ETV6: variants seen among roughly 807,000 people sequenced by gnomAD.
The protein encoded by ETV6 is ETS variant transcription factor 6.
A neutral mutation model predicts 51.1 loss-of-function variants in ETV6; 16 were observed. The ratio of observed to expected loss-of-function variants is 0.31; its 90% confidence interval spans 0.21 to 0.48. ETV6 has a LOEUF of 0.48. Among genes scored for constraint, ETV6 ranks in the 20% least tolerant of loss-of-function variants. The pLI is 0.99. For missense variants in ETV6, 458 were observed against 594.8 expected (o/e 0.77, Z 2.39); for synonymous variants, 240 against 224.1 (o/e 1.07, Z -0.64).
At chr12:11,786,906 T>C (rs1565525704) in intron 2 of ETV6, among the ~76,000 whole-genome samples, 1 of 152,146 alleles carries the variant, frequency 6.6e-6, no homozygotes, top group Non-Finnish European at 1.5e-5. Context: ...AATCCTTGGC[T>C]TTTTTTCTTC....
rs148962622 is a variant in ETV6 at position 11,850,441 on chromosome 12, G to A, written c.329-2986G>A. Reference sequence around the variant, plus strand: ...CTGGAAGGGGAACGTAAAGCTGGCCGTGACCCAGATATTCCTCTATTCTCC... The same window carrying A: ...CTGGAAGGGGAACGTAAAGCTGGCCATGACCCAGATATTCCTCTATTCTCC... On this transcript the variant is annotated intron_variant, in intron 3 of 7. Coordinates refer to ENST00000396373, the MANE Select transcript of ETV6 (RefSeq NM_001987.5). Among the ~76,000 whole-genome samples the A allele has an allele frequency of 6.8e-3, 1,040 of 152,154 alleles. 2 individuals carry two copies. The highest frequency in any genetic ancestry group is 8.6e-3 in the Non-Finnish European group (582 of 67,996).
intron 1 of ETV6, among the ~76,000 whole-genome samples, chr12:11,657,866 T>C (rs180869306): frequency 1.7e-3 from 260 of 152,346 alleles, no homozygotes; most frequent in African/African-American, 6.1e-3. Flanking sequence ...CCTGTAAAGC[T>C]GACTTCCCTT....
intron 2 of ETV6, among the ~76,000 whole-genome samples, chr12:11,759,851 C>G (rs1435666158): frequency 6.6e-6 from 1 of 152,222 alleles, no homozygotes; most frequent in Admixed American, 6.5e-5. Flanking sequence ...TGAGTATATA[C>G]AAATACAGCA....
intron 1 of ETV6, among the ~76,000 whole-genome samples, chr12:11,703,121 A>G (rs1865013681): frequency 6.6e-6 from 1 of 152,178 alleles, no homozygotes; most frequent in South Asian, 2.1e-4. Context: ...AAAACAAACA[A>G]GTGACATTTA....
intron 1 of ETV6, among the ~76,000 whole-genome samples, chr12:11,735,644 A>G (rs1244515049): frequency 6.6e-6 from 1 of 152,188 alleles, no homozygotes; most frequent in Non-Finnish European, 1.5e-5. Flanking sequence ...CTTGTTGCCC[A>G]GGCTGGAGTG....
chr12:11,698,355 G>A (rs12578238), intron 1 of ETV6, among the ~76,000 whole-genome samples: 2,410 of 152,290 alleles, frequency 0.016, 50 homozygotes, highest in East Asian at 0.11. Context: ...TCAAGAATCT[G>A]GACACAGTTT....
intron 2 of ETV6, among the ~76,000 whole-genome samples, chr12:11,782,004 G>A (rs901073415): frequency 5.9e-5 from 9 of 152,074 alleles, no homozygotes; most frequent in African/African-American, 2.2e-4. Flanking sequence ...TATGTTTTCT[G>A]GCAAATAAAT....
At chr12:11,824,803 A>G (rs1223610986) in intron 2 of ETV6, among the ~76,000 whole-genome samples, 1 of 152,196 alleles carries the variant, frequency 6.6e-6, no homozygotes, top group Non-Finnish European at 1.5e-5. Flanking sequence ...AGGATGGGGC[A>G]GCAGAGACTT....
In ETV6 at chr12:11,893,280, G is replaced by T. The variant is rs1446140900; in HGVS notation, c.*2234G>T. 4.3e-6 allele frequency: 1 copy of T among 232,540 alleles called. No homozygotes were observed. The highest frequency in any genetic ancestry group is 8.5e-6 in the Non-Finnish European group (1 of 117,740). 14.4% of individuals were successfully genotyped at this position (232,540 alleles called of 1,614,324 possible). On this transcript the variant is annotated 3_prime_UTR_variant, in exon 8 of 8. Coordinates refer to ENST00000396373, the MANE Select transcript of ETV6 (RefSeq NM_001987.5). The stretch of plus-strand genomic sequence containing the variant: ...TATGAATATGAAATCAGAGACCAGG[G>T]CATGATGTTGCTAGGATTAGAGCCT...
At chr12:11,807,469 C>T (rs983069966) in intron 2 of ETV6, among the ~76,000 whole-genome samples, 1 of 152,158 alleles carries the variant, frequency 6.6e-6, no homozygotes, top group Non-Finnish European at 1.5e-5. Flanking sequence ...TTTAAGTTTT[C>T]AGGGCTCATT....
rs546369719 is a variant in ETV6 at position 11,847,305 on chromosome 12, C to T, written c.329-6122C>T. Among the ~76,000 whole-genome samples the T allele has an allele frequency of 3.9e-5, 6 of 152,274 alleles. No individual in the cohort carries two copies. In the South Asian group the frequency reaches 1.2e-3, roughly 32 times the overall value. On this transcript the variant is annotated intron_variant, in intron 3 of 7. Coordinates refer to ENST00000396373, the MANE Select transcript of ETV6 (RefSeq NM_001987.5). ...CATCTGTAGAGATGTTTGTGTTAGGCACATCAAATGTGTGGTGCCTATATG... is the reference window on the plus strand; with the variant it reads ...CATCTGTAGAGATGTTTGTGTTAGGTACATCAAATGTGTGGTGCCTATATG...
chr12:11,664,619 G>A (rs4140964), intron 1 of ETV6, among the ~76,000 whole-genome samples: 43,375 of 151,976 alleles, frequency 0.29, 7,714 homozygotes, highest in East Asian at 0.42. Flanking sequence ...GTTAGCGAAC[G>A]GTGACCCTTG....
intron 2 of ETV6, among the ~76,000 whole-genome samples, chr12:11,755,223 A>G (rs1944989718): frequency 6.6e-6 from 1 of 152,228 alleles, no homozygotes; most frequent in Non-Finnish European, 1.5e-5. Context: ...TGGCTTGCAT[A>G]TCACCCTTCG....
intron 1 of ETV6, among the ~76,000 whole-genome samples, chr12:11,724,079 T>C (rs1865444046): frequency 6.6e-6 from 1 of 152,096 alleles, no homozygotes; most frequent in Non-Finnish European, 1.5e-5. Flanking sequence ...ACTCTTGGTC[T>C]CATTAGGGAA....
At chr12:11,690,256 C>A (rs920561266) in intron 1 of ETV6, among the ~76,000 whole-genome samples, 1 of 151,782 alleles carries the variant, frequency 6.6e-6, no homozygotes, top group Non-Finnish European at 1.5e-5. Context: ...GCAGTGTGAG[C>A]TGTCCTTTCT....
chr12:11,789,547 C>T (rs1945549439), intron 2 of ETV6, among the ~76,000 whole-genome samples: 1 of 152,034 alleles, frequency 6.6e-6, no homozygotes, highest in South Asian at 2.1e-4. Context: ...TGAATTCTGG[C>T]CTTAATGGAG....
At position 11,878,838 on chromosome 12, in the gene ETV6, A is replaced by AC. The variant is rs1555146505; in HGVS notation, c.1010-5607_1010-5606insC. On this transcript the variant is annotated intron_variant, in intron 5 of 7. Coordinates refer to ENST00000396373, the MANE Select transcript of ETV6 (RefSeq NM_001987.5). ...AGAGGAGGAGGAGGGGAAAAAAAAA[A>AC]AAAACAAGCAGCAGATGGCCCCCTG... Among the ~76,000 whole-genome samples, 361 of 150,306 alleles carry AC rather than the reference A, an allele frequency of 2.4e-3. 2 individuals are homozygous for AC. Among genetic ancestry groups the AC allele is most frequent in the African/African-American group, 8.5e-3 (345 of 40,626 alleles).
chr12:11,700,761 A>G (rs1864964184), intron 1 of ETV6, among the ~76,000 whole-genome samples: 1 of 152,152 alleles, frequency 6.6e-6, no homozygotes. Context: ...TAGGCTGAAG[A>G]GGGCTTGGTC....
At chr12:11,754,893 C>T (rs1944985336) in intron 2 of ETV6, among the ~76,000 whole-genome samples, 1 of 152,222 alleles carries the variant, frequency 6.6e-6, no homozygotes, top group Non-Finnish European at 1.5e-5. Context: ...TCTCACAATA[C>T]CTGTCAGGTA....
Sources: gnomAD v4.1 joint callset for allele counts (sites outside exome capture counted in the v4.1 genomes callset) on GRCh38, gnomAD v4.1.1 for gene constraint, MANE v1.5 for transcripts, NCBI Gene and HGNC (gene_info 2026-07-23, HGNC 2026-07-21) for gene names.